The following RGS12 variants were observed in gnomAD, a reference collection of about 807,000 sequenced individuals.
RGS12 encodes the protein regulator of G protein signaling 12.
RGS12 carries 66 observed loss-of-function variants against 120.1 expected under a neutral mutation model. The ratio of observed to expected loss-of-function variants is 0.55; its 90% CI spans 0.45 to 0.67. The LOEUF is 0.67. Among genes scored for constraint, RGS12 ranks in the 30% least tolerant of loss-of-function variants. RGS12 has a pLI of 0.00. For missense variants in RGS12, 1,859 were observed against 1,957.7 expected (o/e 0.95, Z 0.95); for synonymous variants, 827 against 804.7 (o/e 1.03, Z -0.47).
intron 1 of RGS12, among the ~76,000 whole-genome samples, chr4:3,300,568 C>T (rs1044445690): frequency 9.2e-4 from 140 of 152,226 alleles, no homozygotes; most frequent in Middle Eastern, 6.8e-3. Context: ...CCCCCGGTCC[C>T]GTCACAGTTC....
rs1193039228 is a variant in RGS12 at position 3,363,079 on chromosome 4, A to T, written c.1998+20026A>T. Among the ~76,000 whole-genome samples the T allele has an allele frequency of 3.8e-5, 5 of 130,618 alleles. No homozygotes were observed. The Admixed American group carries it at 3.9e-4, about 10-fold the overall frequency. The allele number at this position is 130,618 out of a possible 152,430, so 85.7% of individuals were successfully genotyped here. The stretch of plus-strand genomic sequence containing the variant: ...TGTGTGTGTGAAATAGTGTGTGCGC[A>T]TGTGTGAAGGCGTGTGTATGTGAGT... On this transcript the variant is annotated intron_variant, in intron 3 of 17. Coordinates refer to ENST00000336727, the MANE Select transcript of RGS12 (RefSeq NM_001394154.1).
rs566031733 is a variant in RGS12 at position 3,366,771 on chromosome 4, G to C, written c.1999-19645G>C. The stretch of plus-strand genomic sequence containing the variant: ...ACTGGTGTGGGTGGGCGCAGGAACT[G>C]GTGAGAGAGGCCTGGGAGACAGGTG... On this transcript the variant is annotated intron_variant, in intron 3 of 17. Transcript: ENST00000336727. The surrounding 1 kb of genome is among the most constrained non-coding windows in gnomAD (Gnocchi z 4.0). Among the ~76,000 whole-genome samples the C allele has an allele frequency of 5.3e-5, 8 of 152,304 alleles. No homozygotes were observed. The East Asian group carries it at 1.4e-3, about 26-fold the overall frequency.
chr4:3,357,723 T>A, intron 3 of RGS12, among the ~76,000 whole-genome samples: 1 of 152,194 alleles, frequency 6.6e-6, no homozygotes, highest in African/African-American at 2.4e-5. Context: ...ATTAGTCTTA[T>A]GTGTATGTCT....
intron 3 of RGS12, among the ~76,000 whole-genome samples, chr4:3,354,730 G>A (rs116357900): frequency 0.016 from 2,434 of 152,222 alleles, 38 homozygotes; most frequent in Middle Eastern, 0.048. Flanking sequence ...CTAAACTTGT[G>A]GGATATAGCT....
upstream of RGS12, among the ~76,000 whole-genome samples, chr4:3,288,233 G>A (rs1374099194): frequency 6.6e-6 from 1 of 152,126 alleles, no homozygotes; most frequent in Non-Finnish European, 1.5e-5. The surrounding 1 kb of genome is among the most constrained non-coding windows in gnomAD (Gnocchi z 5.2). Context: ...GGAGGGCTGG[G>A]GCTGGAGTGG....
intron 4 of RGS12, among the ~76,000 whole-genome samples, chr4:3,404,173 G>C (rs1346518975): frequency 6.6e-6 from 1 of 152,206 alleles, no homozygotes; most frequent in African/African-American, 2.4e-5. Context: ...GTCTACACTT[G>C]CCCCAAGCCT....
At chr4:3,406,573 G>C (rs2109059994) in intron 4 of RGS12, among the ~76,000 whole-genome samples, 1 of 152,322 alleles carries the variant, frequency 6.6e-6, no homozygotes, top group East Asian at 1.9e-4. Flanking sequence ...TGCTGTCGGG[G>C]GCCGCTTCTG....
rs1021036717 is a variant in RGS12 at position 3,433,914 on chromosome 4, C to G, written c.4114+2959C>G. Reference sequence around the variant, plus strand: ...GCCACTTGCTGCCAGGCCACCCAGTCTAATGGCCCTGAGCCTTAGCTGTCT... The same window carrying G: ...GCCACTTGCTGCCAGGCCACCCAGTGTAATGGCCCTGAGCCTTAGCTGTCT... On this transcript the variant is annotated intron_variant, in intron 17 of 17. Transcript: ENST00000336727. The surrounding 1 kb of genome is among the most constrained non-coding windows in gnomAD (Gnocchi z 4.4). 6.6e-6 allele frequency among the ~76,000 whole-genome samples: 1 copy of G among 152,180 alleles called. No individual in the cohort carries two copies. Among genetic ancestry groups the G allele is most frequent in the African/African-American group, 2.4e-5 (1 of 41,448 alleles).
chr4:3,414,300 G>A, intron 5 of RGS12, 59 bp downstream of exon 5: 1 of 1,471,558 alleles, frequency 6.8e-7, no homozygotes, highest in Non-Finnish European at 9.0e-7. Context: ...AGACTACCGA[G>A]CAGGATCTGT....
intron 1 of RGS12, among the ~76,000 whole-genome samples, chr4:3,299,376 A>G (rs1430545025): frequency 6.6e-6 from 1 of 151,848 alleles, no homozygotes; most frequent in African/African-American, 2.4e-5. Context: ...CACAACTTCT[A>G]CCTGTGCTCT....
chr4:3,297,204 A>C (rs571773974), intron 1 of RGS12, among the ~76,000 whole-genome samples: 35 of 152,192 alleles, frequency 2.3e-4, no homozygotes, highest in Non-Finnish European at 4.8e-4. Context: ...ATACGCATAC[A>C]CACTCTACTC....
At chr4:3,328,551 G>A (rs968873269) in intron 2 of RGS12, among the ~76,000 whole-genome samples, 2 of 152,096 alleles carry the variant, frequency 1.3e-5, no homozygotes, top group African/African-American at 4.8e-5. Context: ...CCTCCAGGAC[G>A]GTGATGAATA....
intron 5 of RGS12, 111 bp from the exon 6 acceptor site, chr4:3,414,641 C>T (rs1164357509): frequency 1.6e-5 from 13 of 791,236 alleles, no homozygotes; most frequent in Non-Finnish European, 2.6e-5. Flanking sequence ...TCTCCAGGCC[C>T]TCGGGCAGCT....
chr4:3,410,456 C>T (rs948241373), intron 4 of RGS12, among the ~76,000 whole-genome samples: 3 of 148,274 alleles, frequency 2.0e-5, no homozygotes, highest in South Asian at 2.1e-4. Flanking sequence ...TGGTGCAGGG[C>T]GTGCCATTGT....
chr4:3,379,103 A>G (rs1184665891), intron 3 of RGS12, among the ~76,000 whole-genome samples: 1 of 152,072 alleles, frequency 6.6e-6, no homozygotes, highest in Non-Finnish European at 1.5e-5. Flanking sequence ...GCCATTTGCA[A>G]CAACATGGAT....
At chr4:3,362,794 TGTGTGA>T (rs1715806756) in intron 3 of RGS12, among the ~76,000 whole-genome samples, 1 of 146,466 alleles carries the variant, frequency 6.8e-6, no homozygotes, top group South Asian at 2.2e-4. Flanking sequence ...TGTGAGGGTG[TGTGTGA>T]ATATGAGAGT....
chr4:3,364,203 C>T (rs1716044631), intron 3 of RGS12, among the ~76,000 whole-genome samples: 1 of 152,214 alleles, frequency 6.6e-6, no homozygotes, highest in Non-Finnish European at 1.5e-5. Context: ...CTCTTGAGTT[C>T]TGGCTTGGAT....
intron 4 of RGS12, among the ~76,000 whole-genome samples, chr4:3,412,305 C>T (rs186828865): frequency 5.1e-4 from 77 of 152,322 alleles, no homozygotes; most frequent in African/African-American, 1.7e-3. Context: ...GCGGGGCCCA[C>T]GCTGTGGCCT....
rs1192585535 is a variant in RGS12, at chr4:3,317,208, G to C, written c.1038G>C (p.Leu346Phe). Residue 346 changes from leucine to phenylalanine, a missense_variant, in exon 2 of 18, where the codon TTG becomes TTC. Transcript: ENST00000336727. ...SCHVFMVDPD[L>F]FNHKIHQGIA... ...ACGTGTTCATGGTGGACCCAGACTTGTTTAATCACAAGATCCACCAAGGCA... is the reference window on the plus strand; with the variant it reads ...ACGTGTTCATGGTGGACCCAGACTTCTTTAATCACAAGATCCACCAAGGCA... 6.2e-7 allele frequency: 1 copy of C among 1,614,170 alleles called. No individual in the cohort carries two copies. The highest frequency in any genetic ancestry group is 1.1e-5 in the South Asian group (1 of 91,086).
Sources: gnomAD v4.1 joint callset for allele counts (sites outside exome capture counted in the v4.1 genomes callset) on GRCh38, gnomAD v4.1.1 for gene constraint, Gnocchi (gnomAD v3.1) non-coding constraint, MANE v1.5 for transcripts, NCBI Gene and HGNC (gene_info 2026-07-23, HGNC 2026-07-21) for gene names.